The following LIPC variants were observed in gnomAD, a reference collection of about 807,000 sequenced individuals.
The protein encoded by LIPC is hepatic triacylglycerol lipase.
In LIPC, 44 loss-of-function variants were observed where a neutral mutation model predicts 50.7. The ratio of observed to expected loss-of-function variants is 0.87; its 90% CI spans 0.68 to 1.11. The LOEUF is 1.11. LIPC is among the 50% of genes most tolerant of loss of function. The pLI, the probability that LIPC is intolerant of heterozygous loss-of-function variation, is 0.00. For synonymous variants in LIPC, 271 were observed against 256.4 expected, an observed-to-expected ratio of 1.06 and a Z score of -0.54; for missense variants, 697 against 648.2, an observed-to-expected ratio of 1.08 and a Z score of -0.82.
At chr15:58,444,930 C>T (rs370626690) in intron 1 of LIPC, among the ~76,000 whole-genome samples, 27 of 152,334 alleles carry the variant, frequency 1.8e-4, no homozygotes, top group East Asian at 1.7e-3. Flanking sequence ...AGCAACTCTC[C>T]GGAAGGCTTC....
At chr15:58,488,353 G>C (rs1228765216) in intron 1 of LIPC, among the ~76,000 whole-genome samples, 5 of 152,172 alleles carry the variant, frequency 3.3e-5, no homozygotes, top group African/African-American at 1.2e-4. Flanking sequence ...GCTGACCACT[G>C]AACTACATGG....
chr15:58,565,145 A>T (rs1489561208), intron 8 of LIPC: 6 of 1,510,364 alleles, frequency 4.0e-6, no homozygotes, highest in Non-Finnish European at 5.3e-6. Context: ...AATCCTGGCA[A>T]TTACTGAGAG....
intron 1 of LIPC, among the ~76,000 whole-genome samples, chr15:58,449,375 C>A (rs902531562): frequency 6.6e-6 from 1 of 152,144 alleles, no homozygotes. Flanking sequence ...AATTAAAATG[C>A]CACCCAACAT....
At chr15:58,439,197 ATG>A (rs1244250643) in intron 1 of LIPC, among the ~76,000 whole-genome samples, 2 of 152,220 alleles carry the variant, frequency 1.3e-5, no homozygotes, top group African/African-American at 2.4e-5. Context: ...GTGAAAATAC[ATG>A]TGTTTGAGAA....
rs1386215799 is a variant in LIPC, at chr15:58,567,263, A to ATGTGTG, written c.1389-1452_1389-1451insGTGTGT. On this transcript the variant is annotated intron_variant, in intron 8 of 8. Coordinates refer to ENST00000299022, the MANE Select transcript of LIPC (RefSeq NM_000236.3). ...TGTGTGTGTGTGTATATATATATGT[A>ATGTGTG]TATGTGTGTGTGTGTGTGTATATAT... Among the ~76,000 whole-genome samples the ATGTGTG allele has an allele frequency of 1.4e-3, 44 of 30,944 alleles. No homozygotes were observed. In the South Asian group the frequency reaches 0.015, roughly 11 times the overall value. 20.3% of individuals were successfully genotyped at this position (30,944 alleles called of 152,430 possible).
In LIPC at chr15:58,560,767, C is replaced by G. The variant is rs140777851; in HGVS notation, c.1052-97C>G. ...CATATTAATATCTATCCAAACTCTT[C>G]CCTCTGCATGTTTAAATTTTAAGAA... On this transcript the variant is annotated intron_variant, in intron 6 of 8. Transcript: ENST00000299022. The G allele has an allele frequency of 2.2e-3, 1,498 of 691,406 alleles. 14 individuals carry two copies. The African/African-American group carries it at 0.024, about 11-fold the overall frequency. The allele number at this position is 691,406 out of a possible 1,614,324, so 42.8% of individuals were successfully genotyped here. A position where few individuals can be genotyped will look rare whatever the true frequency, so the allele number is the denominator to read the frequency against.
At chr15:58,466,822 A>G (rs1411121519) in intron 1 of LIPC, among the ~76,000 whole-genome samples, 1 of 152,190 alleles carries the variant, frequency 6.6e-6, no homozygotes, top group Non-Finnish European at 1.5e-5. Flanking sequence ...TGCAGGTCAT[A>G]TGAAATGCTC....
intron 1 of LIPC, among the ~76,000 whole-genome samples, chr15:58,464,205 G>A (rs1894456405): frequency 6.6e-6 from 1 of 152,058 alleles, no homozygotes; most frequent in African/African-American, 2.4e-5. Flanking sequence ...TGGTCTTTGT[G>A]GTGACTTTAT....
intron 1 of LIPC, among the ~76,000 whole-genome samples, chr15:58,443,440 G>C (rs1317476579): frequency 6.6e-6 from 1 of 152,190 alleles, no homozygotes. Flanking sequence ...ACACAGATGT[G>C]AGCACAAACC....
At chr15:58,458,854 C>T (rs1302596579) in intron 1 of LIPC, among the ~76,000 whole-genome samples, 1 of 152,114 alleles carries the variant, frequency 6.6e-6, no homozygotes, top group Admixed American at 6.5e-5. Flanking sequence ...GGTTTTTTGC[C>T]ACCATCTCTT....
chr15:58,542,763 G>A, intron 4 of LIPC, 112 bp downstream of exon 4: 1 of 747,644 alleles, frequency 1.3e-6, no homozygotes, highest in Non-Finnish European at 2.5e-6. Context: ...TATTGTGAGG[G>A]ATCAGCGCTC....
At chr15:58,550,875 C>T (rs960795264) in intron 6 of LIPC, among the ~76,000 whole-genome samples, 4 of 143,842 alleles carry the variant, frequency 2.8e-5, no homozygotes, top group African/African-American at 1.1e-4. Flanking sequence ...CTCACTCTGT[C>T]GCCCAGGCTG....
chr15:58,462,295 A>G (rs1894382176), intron 1 of LIPC, among the ~76,000 whole-genome samples: 1 of 152,188 alleles, frequency 6.6e-6, no homozygotes, highest in South Asian at 2.1e-4. Context: ...TGATGACTGA[A>G]TTGACATGAT....
intron 1 of LIPC, chr15:58,454,913 A>G (rs1391267802): frequency 6.6e-6 from 1 of 152,256 alleles, no homozygotes; most frequent in Non-Finnish European, 1.5e-5. Flanking sequence ...ATTACATTAT[A>G]GAACTTACAA....
intron 1 of LIPC, among the ~76,000 whole-genome samples, chr15:58,448,387 C>T (rs147175851): frequency 1.3e-5 from 2 of 152,368 alleles, no homozygotes; most frequent in Admixed American, 6.5e-5. Flanking sequence ...CTTTCTGGGG[C>T]TCACCTACAG....
intron 1 of LIPC, among the ~76,000 whole-genome samples, chr15:58,442,414 C>G (rs1048144790): frequency 6.6e-6 from 1 of 152,210 alleles, no homozygotes; most frequent in African/African-American, 2.4e-5. Context: ...GAACAGCCCA[C>G]GCAGTCAATG....
chr15:58,458,839 C>A (rs1894229144), intron 1 of LIPC, among the ~76,000 whole-genome samples: 2 of 152,176 alleles, frequency 1.3e-5, no homozygotes, highest in Admixed American at 6.5e-5. Context: ...AAAGGTTTTA[C>A]AGAGGGTTTT....
chr15:58,568,448 C>A (rs553238605), intron 8 of LIPC, among the ~76,000 whole-genome samples: 7 of 152,312 alleles, frequency 4.6e-5, no homozygotes, highest in Non-Finnish European at 1.0e-4. Context: ...TAGGGGAGAA[C>A]AAAGGAGGGC....
intron 1 of LIPC, among the ~76,000 whole-genome samples, chr15:58,461,247 C>A (rs560698828): frequency 6.6e-6 from 1 of 152,226 alleles, no homozygotes; most frequent in Non-Finnish European, 1.5e-5. Flanking sequence ...ACCAAGTGCT[C>A]AACTACCAAT....
Sources: gnomAD v4.1 joint callset for allele counts (sites outside exome capture counted in the v4.1 genomes callset) on GRCh38, gnomAD v4.1.1 for gene constraint, MANE v1.5 for transcripts, NCBI Gene and HGNC (gene_info 2026-07-23, HGNC 2026-07-21) for gene names.